USP8: variants seen among roughly 807,000 people sequenced by gnomAD.
The protein encoded by USP8 is ubiquitin specific peptidase 8, also known as ubiquitin carboxyl-terminal hydrolase 8.
Under a neutral mutation model 130.0 loss-of-function variants are expected in USP8, and 27 were observed. The ratio of observed to expected loss-of-function variants is 0.21; its 90% CI spans 0.15 to 0.29. USP8 has a LOEUF of 0.29. USP8 is among the 10% of genes least tolerant of loss of function. The pLI is 1.00. For synonymous variants in USP8, 392 were observed against 444.1 expected, an observed-to-expected ratio of 0.88 and a Z score of 1.48; for missense variants, 1,029 against 1,312.2, an observed-to-expected ratio of 0.78 and a Z score of 3.33.
intron 8 of USP8, among the ~76,000 whole-genome samples, chr15:50,476,577 G>A (rs1486923366): frequency 6.6e-6 from 1 of 152,124 alleles, no homozygotes; most frequent in Non-Finnish European, 1.5e-5. Flanking sequence ...AAGTGGTATT[G>A]GGGTGGTGAG....
chr15:50,490,020 AG>A, intron 13 of USP8, 139 bp downstream of exon 13: 2 of 873,080 alleles, frequency 2.3e-6, no homozygotes, highest in Non-Finnish European at 3.4e-6. Context: ...TAATTATAAC[AG>A]GGTGAGATTT....
At chr15:50,482,520 G>A (rs1421089249) in intron 11 of USP8, among the ~76,000 whole-genome samples, 3 of 152,084 alleles carry the variant, frequency 2.0e-5, no homozygotes, top group Non-Finnish European at 4.4e-5. Flanking sequence ...TGATTTTTTG[G>A]TCAGATCGGT....
intron 14 of USP8, among the ~76,000 whole-genome samples, chr15:50,490,885 T>G (rs2052134760): frequency 6.6e-6 from 1 of 152,210 alleles, no homozygotes; most frequent in South Asian, 2.1e-4. Flanking sequence ...GCTTGCCTTG[T>G]TGCAGCACTC....
chr15:50,491,752 A>G (rs2052176761), intron 14 of USP8, among the ~76,000 whole-genome samples: 1 of 152,224 alleles, frequency 6.6e-6, no homozygotes, highest in South Asian at 2.1e-4. Context: ...AGAAGTCTAG[A>G]AGGCATTCTC....
At chr15:50,434,966 C>T (rs1425784354) in intron 1 of USP8, among the ~76,000 whole-genome samples, 2 of 152,114 alleles carry the variant, frequency 1.3e-5, no homozygotes, top group Admixed American at 1.3e-4. Flanking sequence ...TGTCCTAGAT[C>T]TAAACAAATA....
chr15:50,484,198 T>A, intron 11 of USP8, 77 bp from the exon 12 acceptor site: 1 of 1,097,592 alleles, frequency 9.1e-7, no homozygotes, highest in South Asian at 1.6e-5. Flanking sequence ...ATAGATTCGG[T>A]TGTGTTAGCT....
rs554124878 is a variant in USP8, at chr15:50,492,550, C to CT, written c.2235-150dup. 674 of 738,956 alleles carry CT rather than the reference C, an allele frequency of 9.1e-4. 6 individuals are homozygous for CT. In the African/African-American group the frequency reaches 0.011, roughly 12 times the overall value. 45.8% of individuals were successfully genotyped at this position (738,956 alleles called of 1,614,324 possible). Reference sequence around the variant, plus strand: ...AATGTTAACCTAAATATTAAATGTCCTGGAAGGCCCAGCATCTTATGAGTT... The same window carrying CT: ...AATGTTAACCTAAATATTAAATGTCCTTGGAAGGCCCAGCATCTTATGAGTT... On this transcript the variant is annotated intron_variant, in intron 14 of 19. Coordinates refer to ENST00000307179, the MANE Select transcript of USP8 (RefSeq NM_005154.5).
intron 3 of USP8, among the ~76,000 whole-genome samples, chr15:50,445,210 C>T (rs369078193): frequency 6.6e-6 from 1 of 152,052 alleles, no homozygotes; most frequent in East Asian, 1.9e-4. Flanking sequence ...ATTGAACTTC[C>T]TTAGAAACTT....
At chr15:50,487,367 A>C (rs1394470124) in intron 12 of USP8, among the ~76,000 whole-genome samples, 2 of 151,442 alleles carry the variant, frequency 1.3e-5, no homozygotes, top group African/African-American at 4.9e-5. Flanking sequence ...AAATGAAGAG[A>C]GAGAGAGAGA....
rs1292678500 is a variant in USP8 at position 50,508,278 on chromosome 15, T to C, written c.*9190T>C. 1.3e-5 allele frequency: 2 copies of C among 151,874 alleles called. No homozygotes were observed. The highest frequency in any genetic ancestry group is 4.8e-5 in the African/African-American group (2 of 41,352). 9.4% of individuals were successfully genotyped at this position (151,874 alleles called of 1,614,324 possible). On this transcript the variant is annotated 3_prime_UTR_variant, in exon 20 of 20. Transcript: ENST00000307179. The stretch of plus-strand genomic sequence containing the variant: ...GTAATGAAAATACTATATCAAAACA[T>C]GGGATGCACTGATGTCTGAGAATGT...
At chr15:50,448,829 C>G (rs911349799) in intron 3 of USP8, among the ~76,000 whole-genome samples, 7 of 152,124 alleles carry the variant, frequency 4.6e-5, no homozygotes, top group African/African-American at 1.7e-4. Flanking sequence ...CTAGATTATA[C>G]TATTAATTAT....
intron 11 of USP8, among the ~76,000 whole-genome samples, 194 bp from the exon 12 acceptor site, chr15:50,484,081 C>T (rs1379077171): frequency 2.0e-5 from 3 of 151,190 alleles, no homozygotes; most frequent in Non-Finnish European, 4.4e-5. Context: ...TTTTTTTCTT[C>T]ACTGATTCAT....
intron 10 of USP8, among the ~76,000 whole-genome samples, chr15:50,478,939 C>G (rs2051666090): frequency 6.6e-6 from 1 of 152,050 alleles, no homozygotes; most frequent in African/African-American, 2.4e-5. Context: ...CCTGCAGTCC[C>G]AGCTACTCAG....
At chr15:50,461,529 A>G (rs1018350112) in intron 5 of USP8, among the ~76,000 whole-genome samples, 4 of 151,700 alleles carry the variant, frequency 2.6e-5, no homozygotes, top group Non-Finnish European at 5.9e-5. Context: ...AGTACCATAC[A>G]GGATTATCCC....
At position 50,500,927 on chromosome 15, in the gene USP8, A is replaced by G. The variant is rs1474884285; in HGVS notation, c.*1839A>G. On this transcript the variant is annotated 3_prime_UTR_variant, in exon 20 of 20. Transcript: ENST00000307179. ...GATAGGGCCAAGAGATGCTTTTTAA[A>G]TTGTCCCTTATTCTAAATTAAAAGG... 1 of 1,056,766 alleles carries G rather than the reference A, an allele frequency of 9.5e-7. No homozygotes were observed. The highest frequency in any genetic ancestry group is 2.1e-5 in the Admixed American group (1 of 48,372). The allele number at this position is 1,056,766 out of a possible 1,614,324, so 65.5% of individuals were successfully genotyped here.
intron 8 of USP8, among the ~76,000 whole-genome samples, chr15:50,473,319 A>C (rs1358422862): frequency 1.3e-5 from 2 of 152,142 alleles, no homozygotes; most frequent in African/African-American, 4.8e-5. Context: ...ATATTCTCTC[A>C]TGTAATTTAA....
intron 10 of USP8, among the ~76,000 whole-genome samples, chr15:50,481,144 G>A (rs1231113898): frequency 6.6e-6 from 1 of 152,142 alleles, no homozygotes; most frequent in African/African-American, 2.4e-5. Context: ...TATTGGGTAG[G>A]CATTTGGATA....
rs770389343 is a variant in USP8 at position 50,496,052 on chromosome 15, C to T, written c.2863C>T (p.Pro955Ser). 3 of 1,612,996 alleles carry T rather than the reference C, an allele frequency of 1.9e-6. No homozygotes were observed. Among genetic ancestry groups the T allele is most frequent in the Non-Finnish European group, 2.5e-6 (3 of 1,179,444 alleles). ...TFEAFMYLSL[P>S]LASTSKCTLQ... Reference sequence around the variant, plus strand: ...TGAGGCCTTCATGTATTTGTCTCTACCACTAGCATCCACAAGTAAATGTAC... The same window carrying T: ...TGAGGCCTTCATGTATTTGTCTCTATCACTAGCATCCACAAGTAAATGTAC... Residue 955 changes from proline to serine, a missense_variant, in exon 17 of 20, where the codon CCA becomes TCA. This residue lies in a region of USP8 where 257 missense variants were observed against 429.8 expected (regional missense o/e 0.60). Transcript: ENST00000307179.
At chr15:50,437,017 G>T (rs2050111596) in intron 1 of USP8, among the ~76,000 whole-genome samples, 1 of 151,632 alleles carries the variant, frequency 6.6e-6, no homozygotes, top group African/African-American at 2.4e-5. Context: ...TTTTTTAAAT[G>T]TGTATTTTTT....
Sources: allele counts gnomAD v4.1 joint callset (sites outside exome capture counted in the v4.1 genomes callset), GRCh38; gene constraint gnomAD v4.1.1; regional missense constraint gnomAD v4.1.1; transcripts MANE v1.5; gene names NCBI Gene and HGNC (gene_info 2026-07-23, HGNC 2026-07-21).